Variants in SNTG2 observed in about 807,000 individuals in gnomAD.
SNTG2 encodes gamma-2-syntrophin.
A neutral mutation model predicts 70.9 loss-of-function variants in SNTG2; 74 were observed. The observed-to-expected ratio is 1.04, with a 90% CI of 0.86 to 1.27. SNTG2 has a LOEUF of 1.27. SNTG2 is among the 50% of genes most tolerant of loss of function. The pLI is 0.00. For missense variants in SNTG2, 717 were observed against 690.7 expected, an observed-to-expected ratio of 1.04 and a Z score of -0.43; for synonymous variants, 278 against 273.8, an observed-to-expected ratio of 1.02 and a Z score of -0.15.
At chr2:1,185,652 A>C (rs1672199831) in intron 8 of SNTG2, among the ~76,000 whole-genome samples, 1 of 152,148 alleles carries the variant, frequency 6.6e-6, no homozygotes, top group South Asian at 2.1e-4. Context: ...TGGGACCCTT[A>C]TACCATGGTG....
intron 1 of SNTG2, among the ~76,000 whole-genome samples, chr2:996,191 C>T (rs981885521): frequency 8.6e-5 from 13 of 152,040 alleles, no homozygotes; most frequent in Admixed American, 5.9e-4. Context: ...GTTTTCTGGT[C>T]CATACTGGGT....
At chr2:1,253,544 G>A (rs1038698991) in intron 12 of SNTG2, among the ~76,000 whole-genome samples, 9 of 152,160 alleles carry the variant, frequency 5.9e-5, no homozygotes, top group Non-Finnish European at 1.0e-4. Context: ...AGGACCCAAA[G>A]ATTATCATGG....
intron 6 of SNTG2, among the ~76,000 whole-genome samples, chr2:1,149,579 T>A (rs77450757): frequency 0.12 from 18,016 of 152,028 alleles, 1,669 homozygotes; most frequent in East Asian, 0.43. Context: ...TGAGCAGCAG[T>A]GGTTTGGAAA....
chr2:1,096,020 C>A (rs906267838), intron 2 of SNTG2, among the ~76,000 whole-genome samples: 1 of 152,162 alleles, frequency 6.6e-6, no homozygotes, highest in Non-Finnish European at 1.5e-5. Flanking sequence ...GAATGAACCC[C>A]CCCTTGGTTC....
At chr2:1,111,363 A>G (rs1019703318) in intron 4 of SNTG2, among the ~76,000 whole-genome samples, 1 of 152,228 alleles carries the variant, frequency 6.6e-6, no homozygotes, top group African/African-American at 2.4e-5. Context: ...AGAAGCTGGA[A>G]GCAGGAAGGG....
In SNTG2 at chr2:951,466, C is replaced by G. The variant is rs550420602; in HGVS notation, c.72+398C>G. ...CGGTGGCTCGGACCGGAGCGTCCCC[C>G]CTGCAGCCTTCGGGCGCCCAGGCCA... On this transcript the variant is annotated intron_variant, in intron 1 of 16. Transcript: ENST00000308624. Among the ~76,000 whole-genome samples the G allele has an allele frequency of 2.2e-3, 335 of 152,282 alleles. 2 individuals are homozygous for G. Among genetic ancestry groups the G allele is most frequent in the Middle Eastern group, 6.8e-3 (2 of 294 alleles).
intron 8 of SNTG2, among the ~76,000 whole-genome samples, chr2:1,204,302 T>C (rs1414920798): frequency 2.6e-5 from 4 of 152,240 alleles, no homozygotes; most frequent in African/African-American, 9.6e-5. Flanking sequence ...ATGCCATTTA[T>C]GCCTCAATAC....
At position 1,172,563 on chromosome 2, in the gene SNTG2, T is replaced by A. The variant is rs188084823; in HGVS notation, c.500-529T>A. 5.3e-5 allele frequency among the ~76,000 whole-genome samples: 8 copies of A among 152,320 alleles called. No individual in the cohort carries two copies. In the East Asian group the frequency reaches 1.5e-3, roughly 29 times the overall value. On this transcript the variant is annotated intron_variant, in intron 7 of 16. Transcript: ENST00000308624. ...GAGCATGAAGATCTATGAACTGGCTTGTTTCTGTTTAGCAGGTGTAAGCTC... is the reference window on the plus strand; with the variant it reads ...GAGCATGAAGATCTATGAACTGGCTAGTTTCTGTTTAGCAGGTGTAAGCTC...
chr2:979,733 G>A (rs1344999132), intron 1 of SNTG2, among the ~76,000 whole-genome samples: 1 of 151,924 alleles, frequency 6.6e-6, no homozygotes, highest in East Asian at 1.9e-4. Context: ...CAAATGTGTG[G>A]GTTTCTTTCA....
intron 14 of SNTG2, among the ~76,000 whole-genome samples, chr2:1,288,392 T>C (rs1328377336): frequency 2.6e-5 from 4 of 152,172 alleles, no homozygotes; most frequent in Non-Finnish European, 5.9e-5. Flanking sequence ...GAAATTTGTA[T>C]CGCCAAAAAC....
At chr2:993,157 G>T (rs1414562229) in intron 1 of SNTG2, among the ~76,000 whole-genome samples, 1 of 148,598 alleles carries the variant, frequency 6.7e-6, no homozygotes, top group Non-Finnish European at 1.5e-5. Flanking sequence ...CATGTGCCAT[G>T]CTGGTGTGCT....
chr2:1,317,911 G>A (rs1013802529), intron 16 of SNTG2, among the ~76,000 whole-genome samples: 1 of 152,208 alleles, frequency 6.6e-6, no homozygotes, highest in Non-Finnish European at 1.5e-5. Context: ...TTACTAAAAT[G>A]TACAAGCTTC....
chr2:953,668 ATTACAAAGCAGGCAGTTACCTGAC>A (rs1660051854), intron 1 of SNTG2, among the ~76,000 whole-genome samples: 1 of 152,220 alleles, frequency 6.6e-6, no homozygotes, highest in Non-Finnish European at 1.5e-5. Context: ...AAATCCATGC[ATTACAAAGCAGGCAGTTACCTGAC>A]TTTACCAGGA....
rs765954498 is a variant in SNTG2 at position 1,112,685 on chromosome 2, CAT to C, written c.325+14276_325+14277del. 2.1e-3 allele frequency among the ~76,000 whole-genome samples: 323 copies of C among 150,656 alleles called. 3 individuals are homozygous for C. The highest frequency in any genetic ancestry group is 0.012 in the South Asian group (56 of 4,720). Reference sequence around the variant, plus strand: ...ACCCTTACAGTCCTTTGAGGAGAATCATGTGTACTAAGTGAGGGTTAACCCTT... The same window carrying C: ...ACCCTTACAGTCCTTTGAGGAGAATCGTGTACTAAGTGAGGGTTAACCCTT... On this transcript the variant is annotated intron_variant, in intron 4 of 16. Coordinates refer to ENST00000308624, the MANE Select transcript of SNTG2 (RefSeq NM_018968.4).
chr2:1,229,746 C>G (rs957726297), intron 9 of SNTG2, among the ~76,000 whole-genome samples: 4 of 152,224 alleles, frequency 2.6e-5, no homozygotes, highest in South Asian at 2.1e-4. Context: ...CCTGCCCCGC[C>G]GGAAGGCAGC....
intron 14 of SNTG2, among the ~76,000 whole-genome samples, chr2:1,282,361 C>A (rs933560843): frequency 1.3e-5 from 2 of 152,290 alleles, no homozygotes; most frequent in Non-Finnish European, 2.9e-5. Flanking sequence ...AAGTTAATTT[C>A]TTCCTTTTGG....
chr2:1,218,386 A>C (rs954868531), intron 9 of SNTG2, among the ~76,000 whole-genome samples: 3 of 151,960 alleles, frequency 2.0e-5, no homozygotes, highest in Non-Finnish European at 2.9e-5. Flanking sequence ...CTGCCTTAGA[A>C]CTCTGCCTGC....
At chr2:1,027,845 T>C (rs1462156975) in intron 1 of SNTG2, among the ~76,000 whole-genome samples, 2 of 150,470 alleles carry the variant, frequency 1.3e-5, no homozygotes, top group African/African-American at 4.9e-5. Context: ...AAGGTGCGTC[T>C]GACCCACAGA....
chr2:1,121,003 G>A (rs113068640), intron 4 of SNTG2, among the ~76,000 whole-genome samples: 115 of 151,292 alleles, frequency 7.6e-4, no homozygotes, highest in African/African-American at 2.6e-3. Flanking sequence ...CCATATATTA[G>A]GCCATAAAAC....
Sources: allele counts gnomAD v4.1 joint callset (sites outside exome capture counted in the v4.1 genomes callset), GRCh38; gene constraint gnomAD v4.1.1; transcripts MANE v1.5; gene names NCBI Gene and HGNC (gene_info 2026-07-23, HGNC 2026-07-21).